The following PIK3C2G variants were observed in gnomAD, a reference collection of about 807,000 sequenced individuals.
PIK3C2G encodes the protein phosphatidylinositol 3-kinase C2 domain-containing subunit gamma.
PIK3C2G carries 168 observed loss-of-function variants against 181.1 expected under a neutral mutation model. The ratio of observed to expected loss-of-function variants is 0.93; its 90% CI spans 0.82 to 1.05. PIK3C2G has a LOEUF of 1.05. Among genes scored for constraint, PIK3C2G ranks in the 50% least tolerant of loss-of-function variants. The probability of loss-of-function intolerance (pLI) is 0.00; values close to 1 mark genes in which losing one functional copy is unlikely to be tolerated. For missense variants in PIK3C2G, 1,869 were observed against 1,732.8 expected, an observed-to-expected ratio of 1.08 and a Z score of -1.40; for synonymous variants, 573 against 592.2, an observed-to-expected ratio of 0.97 and a Z score of 0.47.
chr12:18,592,503 T>C (rs76427852), intron 29 of PIK3C2G, among the ~76,000 whole-genome samples: 1,554 of 151,918 alleles, frequency 0.01, 14 homozygotes, highest in African/African-American at 0.023. Flanking sequence ...GAGAAGATAA[T>C]TAGAGCATTT....
the PIK3C2G span, among the ~76,000 whole-genome samples, chr12:18,687,532 A>G: frequency 6.6e-6 from 1 of 152,276 alleles, no homozygotes; most frequent in Admixed American, 6.5e-5. Context: ...GTAAGATGTC[A>G]TAGCATGCCA....
chr12:18,418,915 T>C (rs1007269007), intron 16 of PIK3C2G, among the ~76,000 whole-genome samples: 2 of 152,106 alleles, frequency 1.3e-5, no homozygotes, highest in African/African-American at 2.4e-5. Flanking sequence ...CATGGATGAA[T>C]AGAATTCCAT....
At chr12:18,409,020 C>A (rs1220730963) in intron 16 of PIK3C2G, among the ~76,000 whole-genome samples, 2 of 152,048 alleles carry the variant, frequency 1.3e-5, no homozygotes, top group African/African-American at 4.8e-5. Context: ...ACTAGAAATA[C>A]CATTTGACCC....
At chr12:18,388,575 C>T (rs536971358) in intron 14 of PIK3C2G, among the ~76,000 whole-genome samples, 3 of 152,212 alleles carry the variant, frequency 2.0e-5, no homozygotes, top group South Asian at 2.1e-4. Flanking sequence ...ATGCCCAGCA[C>T]GTGTGTCTTA....
intron 5 of PIK3C2G, among the ~76,000 whole-genome samples, chr12:18,310,303 A>G (rs999605876): frequency 3.9e-5 from 6 of 151,950 alleles, no homozygotes; most frequent in Non-Finnish European, 8.8e-5. Context: ...CCCTTCATCC[A>G]ATAGCAAAGA....
intron 1 of PIK3C2G, among the ~76,000 whole-genome samples, chr12:18,251,135 G>A (rs1004845851): frequency 5.3e-5 from 8 of 151,800 alleles, no homozygotes; most frequent in East Asian, 3.9e-4. Flanking sequence ...AATAAATTTC[G>A]ACTACAGTAA....
intron 28 of PIK3C2G, 113 bp downstream of exon 28, chr12:18,563,611 A>G (rs1020440220): frequency 2.2e-6 from 2 of 896,884 alleles, no homozygotes; most frequent in Non-Finnish European, 1.7e-6. Context: ...TCTGACTCCA[A>G]TGCCATTGAA....
the PIK3C2G span, among the ~76,000 whole-genome samples, chr12:18,711,667 T>C: frequency 6.6e-6 from 1 of 151,830 alleles, no homozygotes; most frequent in African/African-American, 2.4e-5. Flanking sequence ...ATGAAAGTTG[T>C]CATTGATGAG....
rs200039549 is a variant in PIK3C2G at position 18,505,314 on chromosome 12, C to T, written c.3176C>T (p.Ser1059Phe). 55 of 1,605,576 alleles carry T rather than the reference C, an allele frequency of 3.4e-5. No individual in the cohort carries two copies. The highest frequency in any genetic ancestry group is 3.1e-5 in the Non-Finnish European group (36 of 1,175,550). ...YEKALRNFFY[S>F]CAGWCVVTFI... ...TAGGCCTTGAGGAACTTTTTCTACT[C>T]CTGTGCTGGCTGGTGTGTGGTAACA... Residue 1059 changes from serine to phenylalanine, a missense_variant, in exon 24 of 33, where the codon TCC becomes TTC. By Grantham distance (155) the Ser-to-Phe change is radical. Coordinates refer to ENST00000538779, the MANE Select transcript of PIK3C2G (RefSeq NM_001288772.2).
chr12:18,324,952 A>C (rs1336865002), intron 7 of PIK3C2G, 83 bp from the exon 8 acceptor site: 1 of 700,670 alleles, frequency 1.4e-6, no homozygotes, highest in African/African-American at 1.8e-5. Context: ...TGGGCAAAAC[A>C]ATTTGTGATA....
At chr12:18,401,115 T>C (rs141508899) in intron 16 of PIK3C2G, among the ~76,000 whole-genome samples, 3 of 152,228 alleles carry the variant, frequency 2.0e-5, no homozygotes, top group African/African-American at 7.2e-5. Context: ...ACAGATCATC[T>C]CAATGTTTCT....
In PIK3C2G at chr12:18,417,572, G is replaced by A. The variant is rs561909763; in HGVS notation, c.2316-3369G>A. Among the ~76,000 whole-genome samples the A allele has an allele frequency of 5.3e-5, 8 of 152,166 alleles. No homozygotes were observed. The South Asian group carries it at 8.3e-4, about 16-fold the overall frequency. ...CAGTCCACAGGCATCAACATGGACC[G>A]AACACCCTCCACCAGCAAAAAGATT... On this transcript the variant is annotated intron_variant, in intron 16 of 32. Coordinates refer to ENST00000538779, the MANE Select transcript of PIK3C2G (RefSeq NM_001288772.2).
intron 1 of PIK3C2G, among the ~76,000 whole-genome samples, chr12:18,261,846 C>G (rs1208917987): frequency 3.3e-5 from 5 of 151,908 alleles, no homozygotes; most frequent in Non-Finnish European, 5.9e-5. Context: ...CTCTTTCTTT[C>G]TCTCTCTCTC....
chr12:18,510,891 T>C (rs1405967191), intron 24 of PIK3C2G, among the ~76,000 whole-genome samples: 2 of 152,140 alleles, frequency 1.3e-5, no homozygotes, highest in African/African-American at 4.8e-5. Context: ...TATAATACAT[T>C]ACTATTGACT....
chr12:18,694,421 A>G, the PIK3C2G span, among the ~76,000 whole-genome samples: 4 of 152,176 alleles, frequency 2.6e-5, no homozygotes, highest in Non-Finnish European at 5.9e-5. Flanking sequence ...AGAAAGACAT[A>G]TGGATAATTT....
chr12:18,521,143 T>C (rs1468100308), intron 24 of PIK3C2G, among the ~76,000 whole-genome samples: 1 of 152,144 alleles, frequency 6.6e-6, no homozygotes, highest in Non-Finnish European at 1.5e-5. Context: ...ATTTCTGACC[T>C]TGAGGGGCAC....
At chr12:18,712,956 CTCCAAACAACGGCA>C in the PIK3C2G span, 1 of 1,613,948 alleles carries the variant, frequency 6.2e-7, no homozygotes, top group Non-Finnish European at 8.5e-7. Context: ...AGCAGTCAAT[CTCCAAACAACGGCA>C]TCCTTTCACA....
intron 18 of PIK3C2G, among the ~76,000 whole-genome samples, chr12:18,444,724 T>C (rs1053915553): frequency 2.0e-5 from 3 of 152,280 alleles, no homozygotes; most frequent in Admixed American, 1.3e-4. Context: ...TTATCTAACA[T>C]AAACTGGATA....
intron 24 of PIK3C2G, among the ~76,000 whole-genome samples, chr12:18,519,309 G>A (rs955178685): frequency 3.9e-5 from 6 of 152,244 alleles, no homozygotes; most frequent in African/African-American, 1.4e-4. Flanking sequence ...TCGTTGTATT[G>A]ACAGTGGGAT....
Sources: allele counts gnomAD v4.1 joint callset (sites outside exome capture counted in the v4.1 genomes callset), GRCh38; gene constraint gnomAD v4.1.1; transcripts MANE v1.5; gene names NCBI Gene and HGNC (gene_info 2026-07-23, HGNC 2026-07-21).